The following ZNF226 variants were observed in gnomAD, a reference collection of about 807,000 sequenced individuals.
The protein encoded by ZNF226 is zinc finger protein 226.
In ZNF226, 6 loss-of-function variants were observed where a neutral mutation model predicts 11.4. That is an observed-to-expected ratio of 0.53 (90% CI 0.29 to 1.04). The LOEUF is 1.04. Among genes scored for constraint, ZNF226 ranks in the 50% least tolerant of loss-of-function variants. The probability of loss-of-function intolerance (pLI) is 0.08; values close to 1 mark genes in which losing one functional copy is unlikely to be tolerated. For missense variants in ZNF226, 1,058 were observed against 956.5 expected, an observed-to-expected ratio of 1.11 and a Z score of -1.40; for synonymous variants, 350 against 322.8, an observed-to-expected ratio of 1.08 and a Z score of -0.90.
At chr19:44,182,001 T>G (rs932251227), downstream of ZNF226, among the ~76,000 whole-genome samples, 4 of 152,176 alleles carry the variant, frequency 2.6e-5, no homozygotes, top group African/African-American at 9.7e-5. Context: ...GTTGTAGATC[T>G]TACCAGTGTT....
chr19:44,172,825 G>C, intron 4 of ZNF226, 35 bp from the exon 5 acceptor site: 1 of 1,536,156 alleles, frequency 6.5e-7, no homozygotes, highest in Non-Finnish European at 8.9e-7. Flanking sequence ...ACTCTAATAT[G>C]TTCATTTTCA....
chr19:44,183,033 A>G (rs1599744294), downstream of ZNF226, among the ~76,000 whole-genome samples: 1 of 152,108 alleles, frequency 6.6e-6, no homozygotes. Context: ...TCTTCTTGAG[A>G]AAGTACACTG....
chr19:44,165,194 C>T (rs1969207032), intron 1 of ZNF226, 52 bp downstream of exon 1: 1 of 152,316 alleles, frequency 6.6e-6, no homozygotes, highest in Non-Finnish European at 1.5e-5. Flanking sequence ...TTGTGGTCAG[C>T]AGCTAGCGGT....
At chr19:44,196,111 G>A in the ZNF226 span, among the ~76,000 whole-genome samples, 1 of 152,102 alleles carries the variant, frequency 6.6e-6, no homozygotes, top group South Asian at 2.1e-4. Flanking sequence ...CTTCAAAGAA[G>A]CATGATTGAT....
the ZNF226 span, among the ~76,000 whole-genome samples, chr19:44,190,427 G>A: frequency 3.2e-4 from 48 of 151,934 alleles, no homozygotes; most frequent in Admixed American, 5.9e-4. Flanking sequence ...TCCGCCTCCC[G>A]GGTTCCTGCC....
chr19:44,170,214 G>T, intron 3 of ZNF226, 119 bp downstream of exon 3: 1 of 916,514 alleles, frequency 1.1e-6, no homozygotes, highest in Non-Finnish European at 1.6e-6. Context: ...GAGTGTGCTA[G>T]GTGCTTATTT....
At chr19:44,181,885 G>A, downstream of ZNF226, among the ~76,000 whole-genome samples, 1 of 152,180 alleles carries the variant, frequency 6.6e-6, no homozygotes, top group East Asian at 1.9e-4. Flanking sequence ...GGTCTTCACA[G>A]ACAATGGGAG....
chr19:44,198,235 C>T, the ZNF226 span, among the ~76,000 whole-genome samples: 2 of 152,244 alleles, frequency 1.3e-5, no homozygotes, highest in Admixed American at 6.5e-5. Flanking sequence ...GATGTCTTAT[C>T]GCATAAACCC....
In ZNF226 at chr19:44,176,015, G is replaced by C; in HGVS notation, c.753G>C (p.Ser251=). 6.2e-7 allele frequency: 1 copy of C among 1,613,862 alleles called. No individual in the cohort carries two copies. Among genetic ancestry groups the C allele is most frequent in the African/African-American group, 1.3e-5 (1 of 75,012 alleles). ...GCATGATTCACACAGGACAGAAATC[G>C]TACCAGTGTAATGAGTGTAAAAAAC... ...HNSMIHTGQK[S]YQCNECKKPF... The change falls in exon 6 of 6, where the codon TCG becomes TCC. Residue 251 remains serine (S), a synonymous_variant. Coordinates refer to ENST00000337433, the MANE Select transcript of ZNF226 (RefSeq NM_001032373.2).
chr19:44,199,312 C>T, the ZNF226 span, among the ~76,000 whole-genome samples: 1 of 150,490 alleles, frequency 6.6e-6, no homozygotes, highest in South Asian at 2.1e-4. Flanking sequence ...GTAGCAGGGA[C>T]TACAGGCACG....
At chr19:44,173,024 C>A in intron 5 of ZNF226, 72 bp downstream of exon 5, 1 of 1,413,908 alleles carries the variant, frequency 7.1e-7, no homozygotes, top group Non-Finnish European at 9.8e-7. Flanking sequence ...GCCTTGTTGC[C>A]ATCACCTGGT....
At chr19:44,171,759 C>T (rs1447413715) in intron 3 of ZNF226, among the ~76,000 whole-genome samples, 1 of 152,174 alleles carries the variant, frequency 6.6e-6, no homozygotes, top group Non-Finnish European at 1.5e-5. Context: ...GCTCCCACCT[C>T]AGTAGGAAGG....
chr19:44,177,864 A>G (rs762272555), downstream of ZNF226: 10 of 622,656 alleles, frequency 1.6e-5, no homozygotes, highest in Non-Finnish European at 2.5e-5. Flanking sequence ...GGGTGTTAAG[A>G]GTGAAATTTT....
At chr19:44,177,971 G>T (rs1245616539), downstream of ZNF226, 1 of 263,350 alleles carries the variant, frequency 3.8e-6, no homozygotes, top group Non-Finnish European at 7.2e-6. Context: ...GTTCACTACT[G>T]AATCTACATA....
chr19:44,168,151 C>G (rs1453883075), intron 2 of ZNF226, among the ~76,000 whole-genome samples: 4 of 151,958 alleles, frequency 2.6e-5, no homozygotes, highest in African/African-American at 9.7e-5. Flanking sequence ...TTCTTTTTCA[C>G]CATGATCACT....
chr19:44,175,402 G>A (rs781266139), intron 5 of ZNF226, 96 bp from the exon 6 acceptor site: 9 of 1,465,630 alleles, frequency 6.1e-6, no homozygotes, highest in African/African-American at 4.3e-5. Context: ...GAACTATCCC[G>A]AGGTTCATTA....
At chr19:44,190,870 G>A in the ZNF226 span, among the ~76,000 whole-genome samples, 11 of 152,026 alleles carry the variant, frequency 7.2e-5, no homozygotes, top group African/African-American at 2.7e-4. Context: ...ATTTTGAAGG[G>A]ATCAAATAGA....
intron 5 of ZNF226, chr19:44,175,113 T>C: frequency 6.3e-7 from 1 of 1,575,050 alleles, no homozygotes; most frequent in South Asian, 1.2e-5. Context: ...TATGCATACA[T>C]TCCTTGAGTG....
chr19:44,195,328 A>T, the ZNF226 span, among the ~76,000 whole-genome samples: 1 of 152,238 alleles, frequency 6.6e-6, no homozygotes, highest in Non-Finnish European at 1.5e-5. Context: ...AGCAGAGGCC[A>T]CAAAAGGGGT....
Sources: allele counts gnomAD v4.1 joint callset (sites outside exome capture counted in the v4.1 genomes callset), GRCh38; gene constraint gnomAD v4.1.1; transcripts MANE v1.5; gene names NCBI Gene and HGNC (gene_info 2026-07-23, HGNC 2026-07-21).